Variants in ELL2 observed in about 807,000 individuals in gnomAD.
The protein encoded by ELL2 is elongation factor for RNA polymerase II 2.
In ELL2, 21 loss-of-function variants were observed where a neutral mutation model predicts 72.8. The observed-to-expected ratio is 0.29, with a 90% confidence interval of 0.20 to 0.42. The LOEUF is 0.42. ELL2 is among the 10% of genes least tolerant of loss of function. ELL2 has a pLI of 1.00. For missense variants in ELL2, 568 were observed against 772.8 expected, an observed-to-expected ratio of 0.73 and a Z score of 3.14; for synonymous variants, 266 against 283.2, an observed-to-expected ratio of 0.94 and a Z score of 0.61.
At position 95,898,227 on chromosome 5, in the gene ELL2, A is replaced by G. The variant is rs1335213633; in HGVS notation, c.1525+13T>C. The G allele has an allele frequency of 6.3e-7, 1 of 1,579,920 alleles. No homozygotes were observed. The highest frequency in any genetic ancestry group is 8.6e-7 in the Non-Finnish European group (1 of 1,166,382). On this transcript the variant is annotated intron_variant, in intron 8 of 11. Transcript: ENST00000237853. ...GATAGCATGCACTTCTGGTTCATCT[A>G]AAGGTAAAATACCTCCACTGGAATT...
chr5:95,952,461 G>A (rs57243277), intron 1 of ELL2, among the ~76,000 whole-genome samples: 42,362 of 151,500 alleles, frequency 0.28, 6,776 homozygotes, highest in African/African-American at 0.45. Context: ...TAAAATAAAA[G>A]TTAAAAAAAA....
chr5:95,889,089 C>T lies in ELL2; in HGVS notation c.1803G>A (p.Lys601=). ...EEVLQEYQKI[K]QSSPNYHEEK... ...AATCAACAGTGATGATACCTACCTG[C>T]TTTATCTTCTGATATTCTTGTAAGA... The change falls in exon 11 of 12, where the codon AAG becomes AAA. Residue 601 remains lysine (K), a synonymous_variant. Coordinates refer to ENST00000237853, the MANE Select transcript of ELL2 (RefSeq NM_012081.6). 2 of 1,610,858 alleles carry T rather than the reference C, an allele frequency of 1.2e-6. No homozygotes were observed. The highest frequency in any genetic ancestry group is 8.5e-7 in the Non-Finnish European group (1 of 1,178,532).
In ELL2 at chr5:95,961,384, T is replaced by C. The variant is rs1751844435; in HGVS notation, c.147+191A>G. 4.0e-5 allele frequency among the ~76,000 whole-genome samples: 6 copies of C among 151,532 alleles called. No homozygotes were observed. The South Asian group carries it at 1.3e-3, about 32-fold the overall frequency. On this transcript the variant is annotated intron_variant, in intron 1 of 11. Coordinates refer to ENST00000237853, the MANE Select transcript of ELL2 (RefSeq NM_012081.6). ...GCCAGGGGCCGCCCGACTGCCCGCT[T>C]CCCCAACGCCCAGGCTAGCCCGGGA...
chr5:95,954,700 A>G (rs1008307272), intron 1 of ELL2, among the ~76,000 whole-genome samples: 2 of 145,816 alleles, frequency 1.4e-5, no homozygotes, highest in African/African-American at 2.5e-5. Context: ...TAGGCCTCCC[A>G]AAGTGCTGGG....
chr5:95,927,841 G>A (rs200050521), intron 2 of ELL2, among the ~76,000 whole-genome samples: 1 of 61,868 alleles, frequency 1.6e-5, no homozygotes, highest in Non-Finnish European at 2.8e-5. Context: ...ACACATATGT[G>A]TGTATATTTT....
chr5:95,954,069 G>A (rs765929523), intron 1 of ELL2, among the ~76,000 whole-genome samples: 4 of 152,078 alleles, frequency 2.6e-5, no homozygotes, highest in Admixed American at 6.5e-5. Context: ...TCCTCAAAAC[G>A]TCAACAATCT....
At chr5:95,913,525 T>C (rs1206160388) in intron 4 of ELL2, 1 of 347,878 alleles carries the variant, frequency 2.9e-6, no homozygotes, top group Admixed American at 4.8e-5. Context: ...CCCAGTACTA[T>C]AAAATAATAG....
chr5:95,916,416 A>C (rs563943557), intron 3 of ELL2, among the ~76,000 whole-genome samples: 12 of 152,232 alleles, frequency 7.9e-5, no homozygotes, highest in African/African-American at 2.6e-4. Flanking sequence ...AGAAAAGAAG[A>C]CCACATGAGA....
chr5:95,951,812 T>G (rs1053505470), intron 1 of ELL2, among the ~76,000 whole-genome samples: 3 of 152,186 alleles, frequency 2.0e-5, no homozygotes, highest in African/African-American at 7.2e-5. Flanking sequence ...TGATGGTAAC[T>G]GGGACTGGAA....
At chr5:95,909,114 T>C (rs1749484084) in intron 4 of ELL2, among the ~76,000 whole-genome samples, 1 of 152,126 alleles carries the variant, frequency 6.6e-6, no homozygotes, top group African/African-American at 2.4e-5. Flanking sequence ...CCAAAGCAGG[T>C]ATGGAGAAGA....
intron 9 of ELL2, among the ~76,000 whole-genome samples, chr5:95,894,800 C>A (rs186478480): frequency 6.6e-6 from 1 of 152,274 alleles, no homozygotes; most frequent in Non-Finnish European, 1.5e-5. Context: ...AAGGGCTAAA[C>A]AGCATAGTTT....
intron 2 of ELL2, among the ~76,000 whole-genome samples, chr5:95,942,567 A>G (rs1162675504): frequency 6.6e-6 from 1 of 152,176 alleles, no homozygotes; most frequent in Non-Finnish European, 1.5e-5. Context: ...ATTTCTACTT[A>G]CATATTTCAT....
chr5:95,935,391 A>G (rs1750737043), intron 2 of ELL2, among the ~76,000 whole-genome samples: 2 of 152,184 alleles, frequency 1.3e-5, no homozygotes. Context: ...AATTACCTAA[A>G]TATTAGTAAT....
chr5:95,954,404 T>C (rs1053096320), intron 1 of ELL2, among the ~76,000 whole-genome samples: 4 of 124,556 alleles, frequency 3.2e-5, no homozygotes, highest in Non-Finnish European at 6.5e-5. Flanking sequence ...TAAATTATTC[T>C]TTTTTTTTTT....
chr5:95,960,255 C>T lies in ELL2; in HGVS notation c.147+1320G>A, dbSNP rs147686042. On this transcript the variant is annotated intron_variant, in intron 1 of 11. Coordinates refer to ENST00000237853, the MANE Select transcript of ELL2 (RefSeq NM_012081.6). Reference sequence around the variant, plus strand: ...GTAAGATGCCCCGTGGGTTCTATCTCCCTTCCGACTCTCTCCTCTCCTGTA... The same window carrying T: ...GTAAGATGCCCCGTGGGTTCTATCTTCCTTCCGACTCTCTCCTCTCCTGTA... 2.4e-3 allele frequency among the ~76,000 whole-genome samples: 367 copies of T among 152,064 alleles called. 1 individual carries two copies. The highest frequency in any genetic ancestry group is 6.8e-3 in the Middle Eastern group (2 of 294).
chr5:95,959,183 C>T (rs928869824), intron 1 of ELL2, among the ~76,000 whole-genome samples: 1 of 152,160 alleles, frequency 6.6e-6, no homozygotes, highest in Non-Finnish European at 1.5e-5. Flanking sequence ...CCTCATCTGC[C>T]CACTTTCCCC....
chr5:95,929,383 C>G (rs2015159), intron 2 of ELL2, among the ~76,000 whole-genome samples: 35 of 151,540 alleles, frequency 2.3e-4, no homozygotes, highest in Non-Finnish European at 4.0e-4. Flanking sequence ...CTCAGCCTCC[C>G]GAGTAGCTGG....
intron 4 of ELL2, among the ~76,000 whole-genome samples, chr5:95,907,296 A>T (rs191137084): frequency 0.062 from 7,181 of 116,142 alleles, 333 homozygotes; most frequent in African/African-American, 0.11. Flanking sequence ...ATATATATAT[A>T]TTTTTTTTTT....
At position 95,891,238 on chromosome 5, in the gene ELL2, C is replaced by A; in HGVS notation, c.1626G>T (p.Gln542His). 1 of 1,613,860 alleles carries A rather than the reference C, an allele frequency of 6.2e-7. No individual in the cohort carries two copies. Among genetic ancestry groups the A allele is most frequent in the Non-Finnish European group, 8.5e-7 (1 of 1,179,962 alleles). ...CTGCATTGAAGTCATCCTTATAATT[C>A]TGGCGTTGCTCATAGGAGACGATAG... is the stretch of plus-strand genomic sequence containing the variant. ...YIAIVSYEQR[Q>H]NYKDDFNAEY... Residue 542 changes from glutamine to histidine, a missense_variant, in exon 10 of 12, where the codon CAG becomes CAT. Around this residue, in one of 2 missense-constraint regions of ELL2, gnomAD observed 511 missense variants for 728.4 expected, o/e 0.70. Transcript: ENST00000237853.
Sources: allele counts gnomAD v4.1 joint callset (sites outside exome capture counted in the v4.1 genomes callset), GRCh38; gene constraint gnomAD v4.1.1; regional missense constraint gnomAD v4.1.1; transcripts MANE v1.5; gene names NCBI Gene and HGNC (gene_info 2026-07-23, HGNC 2026-07-21).